Variants in TBCA observed in about 807,000 individuals in gnomAD.
The protein encoded by TBCA is tubulin folding cofactor A.
Under a neutral mutation model 15.8 loss-of-function variants are expected in TBCA, and 6 were observed. The ratio of observed to expected loss-of-function variants is 0.38; its 90% CI spans 0.21 to 0.75. TBCA has a LOEUF of 0.75. Ranked by LOEUF, TBCA falls within the 30% of genes least tolerant of loss-of-function variation. The pLI, the probability that TBCA is intolerant of heterozygous loss-of-function variation, is 0.46. For synonymous variants in TBCA, 32 were observed against 42.3 expected (o/e 0.76, Z 0.94); for missense variants, 90 against 131.2 (o/e 0.69, Z 1.53).
chr5:77,707,469 C>T (rs1044659917), intron 2 of TBCA, among the ~76,000 whole-genome samples: 17 of 152,038 alleles, frequency 1.1e-4, no homozygotes, highest in African/African-American at 1.7e-4. Context: ...GGAGTAAGAG[C>T]ATCCCAGACA....
chr5:77,741,681 T>G (rs1304430209), intron 1 of TBCA, among the ~76,000 whole-genome samples: 1 of 152,204 alleles, frequency 6.6e-6, no homozygotes, highest in African/African-American at 2.4e-5. Context: ...GAATATTTAA[T>G]GAAAACCTGA....
intron 2 of TBCA, among the ~76,000 whole-genome samples, chr5:77,706,525 G>A (rs1746153227): frequency 1.3e-5 from 2 of 152,014 alleles, no homozygotes; most frequent in Non-Finnish European, 2.9e-5. Context: ...TAAGAAATAG[G>A]AGGTGCTGGC....
intron 1 of TBCA, among the ~76,000 whole-genome samples, chr5:77,743,541 C>T (rs907473706): frequency 2.6e-5 from 4 of 152,190 alleles, no homozygotes; most frequent in Non-Finnish European, 2.9e-5. Flanking sequence ...GAAGGCTCAG[C>T]AAGAGCACTG....
intron 1 of TBCA, among the ~76,000 whole-genome samples, chr5:77,751,216 C>G (rs967724448): frequency 2.3e-5 from 3 of 127,958 alleles, no homozygotes; most frequent in African/African-American, 9.0e-5. Flanking sequence ...CCCTGGAGTA[C>G]AATGGCGCAA....
chr5:77,772,597 G>C (rs1454513391), intron 1 of TBCA, among the ~76,000 whole-genome samples: 2 of 152,114 alleles, frequency 1.3e-5, no homozygotes, highest in Non-Finnish European at 2.9e-5. Context: ...TATGGAGTTA[G>C]ATGGTGATAT....
At chr5:77,767,693 A>T (rs1580139778) in intron 1 of TBCA, among the ~76,000 whole-genome samples, 3 of 152,224 alleles carry the variant, frequency 2.0e-5, no homozygotes, top group Non-Finnish European at 4.4e-5. Context: ...ACAATCAGTG[A>T]ACAGAACAAG....
chr5:77,726,257 T>C (rs1269427320), intron 1 of TBCA, among the ~76,000 whole-genome samples: 1 of 152,248 alleles, frequency 6.6e-6, no homozygotes, highest in African/African-American at 2.4e-5. Flanking sequence ...TACTTTACAC[T>C]GTGACTGCAG....
intron 1 of TBCA, among the ~76,000 whole-genome samples, chr5:77,728,440 T>A (rs10056156): frequency 5.3e-5 from 8 of 152,168 alleles, no homozygotes; most frequent in Admixed American, 2.0e-4. Context: ...AAACCAGTAT[T>A]ATAAACAGCA....
chr5:77,745,637 A>G (rs928952622), intron 1 of TBCA, among the ~76,000 whole-genome samples: 2 of 152,240 alleles, frequency 1.3e-5, no homozygotes, highest in Non-Finnish European at 2.9e-5. Flanking sequence ...ATAGGGGGCC[A>G]ATTTTGGCAA....
intron 1 of TBCA, among the ~76,000 whole-genome samples, chr5:77,714,958 A>C (rs1314026232): frequency 6.6e-6 from 1 of 152,258 alleles, no homozygotes; most frequent in Non-Finnish European, 1.5e-5. Context: ...GCCCTATGGC[A>C]CTTTTTAGTG....
intron 2 of TBCA, among the ~76,000 whole-genome samples, chr5:77,704,505 G>A (rs1023100418): frequency 9.9e-5 from 15 of 152,210 alleles, no homozygotes; most frequent in African/African-American, 3.1e-4. Context: ...TAGCTCAGAA[G>A]AGGAAGAAAT....
At chr5:77,743,913 A>G (rs1451740122) in intron 1 of TBCA, among the ~76,000 whole-genome samples, 2 of 152,172 alleles carry the variant, frequency 1.3e-5, no homozygotes, top group African/African-American at 4.8e-5. Flanking sequence ...CAAAGAACTT[A>G]CACTCTAGTG....
intron 1 of TBCA, chr5:77,715,102 G>A (rs925367609): frequency 1.6e-6 from 1 of 610,314 alleles, no homozygotes; most frequent in African/African-American, 1.8e-5. Context: ...TTGAGAAGAG[G>A]ACACATGAGT....
chr5:77,738,645 C>T (rs1282925232), intron 1 of TBCA, among the ~76,000 whole-genome samples: 1 of 152,110 alleles, frequency 6.6e-6, no homozygotes, highest in Non-Finnish European at 1.5e-5. Context: ...TGTGGTGGTG[C>T]GATCTTGGCT....
intron 1 of TBCA, among the ~76,000 whole-genome samples, chr5:77,749,833 T>A (rs1747275528): frequency 6.6e-6 from 1 of 152,040 alleles, no homozygotes; most frequent in African/African-American, 2.4e-5. Context: ...AGAAGACTAG[T>A]TTTTTTTAAA....
intron 1 of TBCA, among the ~76,000 whole-genome samples, chr5:77,708,821 G>A (rs545213674): frequency 6.6e-5 from 10 of 151,954 alleles, no homozygotes; most frequent in Non-Finnish European, 1.2e-4. Context: ...CACCAGCCTC[G>A]GCCTCCCAAA....
In TBCA at chr5:77,715,099, G is replaced by A. The variant is rs149266736; in HGVS notation, c.54-6752C>T. ...TAAAATAGGATTGTCTCTTTGAGAA[G>A]AGGACACATGAGTTAAGATTTCAAA... On this transcript the variant is annotated intron_variant, in intron 1 of 3. Coordinates refer to ENST00000380377, the MANE Select transcript of TBCA (RefSeq NM_004607.3). 27 of 600,098 alleles carry A rather than the reference G, an allele frequency of 4.5e-5. No individual in the cohort carries two copies. In the Middle Eastern group the frequency reaches 1.8e-3, roughly 39 times the overall value. The allele number at this position is 600,098 out of a possible 1,614,324, so 37.2% of individuals were successfully genotyped here. A position where few individuals can be genotyped will look rare whatever the true frequency, so the allele number is the denominator to read the frequency against.
intron 1 of TBCA, 35 bp downstream of exon 1, chr5:77,776,156 CCATGAGGTGACGAA>C: frequency 6.5e-7 from 1 of 1,548,498 alleles, no homozygotes; most frequent in Non-Finnish European, 8.7e-7. Flanking sequence ...TCGCGGGCCG[CCATGAGGTGACGAA>C]GAGGAGGTGC....
intron 1 of TBCA, among the ~76,000 whole-genome samples, chr5:77,740,228 A>G (rs1473664244): frequency 6.6e-6 from 1 of 152,218 alleles, no homozygotes; most frequent in East Asian, 1.9e-4. Context: ...CTAGGTTATA[A>G]CCTTATAAAG....
Sources: gnomAD v4.1 joint callset for allele counts (sites outside exome capture counted in the v4.1 genomes callset) on GRCh38, gnomAD v4.1.1 for gene constraint, MANE v1.5 for transcripts, NCBI Gene and HGNC (gene_info 2026-07-23, HGNC 2026-07-21) for gene names.